Variants in TENM3 observed in about 807,000 individuals in gnomAD.
The protein encoded by TENM3 is teneurin-3.
Under a neutral mutation model 255.1 loss-of-function variants are expected in TENM3, and 63 were observed. The ratio of observed to expected loss-of-function variants is 0.25; its 90% CI spans 0.20 to 0.30. TENM3 has a LOEUF of 0.30. Among genes scored for constraint, TENM3 ranks in the 10% least tolerant of loss-of-function variants. TENM3 has a pLI of 1.00. For missense variants in TENM3, 2,929 were observed against 3,461.1 expected (o/e 0.85, Z 3.86); for synonymous variants, 1,306 against 1,322.3 (o/e 0.99, Z 0.27).
the TENM3 span, among the ~76,000 whole-genome samples, chr4:181,680,903 T>C: frequency 6.6e-6 from 1 of 152,084 alleles, no homozygotes; most frequent in African/African-American, 2.4e-5. Flanking sequence ...TGCAGGTAAA[T>C]ACTGAATCAC....
chr4:181,872,713 G>A, the TENM3 span, among the ~76,000 whole-genome samples: 4 of 151,906 alleles, frequency 2.6e-5, no homozygotes, highest in East Asian at 5.8e-4. Context: ...TCTTGCTGGG[G>A]CCCATTAATT....
At chr4:182,748,022 T>C (rs922167026) in intron 19 of TENM3, among the ~76,000 whole-genome samples, 12 of 152,214 alleles carry the variant, frequency 7.9e-5, no homozygotes, top group African/African-American at 2.9e-4. Flanking sequence ...GCTTGTTCTT[T>C]GTGAATATTT....
At chr4:182,565,372 A>T (rs904587295) in intron 3 of TENM3, among the ~76,000 whole-genome samples, 1 of 152,188 alleles carries the variant, frequency 6.6e-6, no homozygotes, top group Non-Finnish European at 1.5e-5. Flanking sequence ...AATTTTAGTC[A>T]TATCTACACC....
At chr4:181,753,008 G>A in the TENM3 span, among the ~76,000 whole-genome samples, 1 of 151,628 alleles carries the variant, frequency 6.6e-6, no homozygotes, top group South Asian at 2.1e-4. Context: ...GGAAGTATGT[G>A]ATTATGATTC....
At chr4:181,544,806 C>A in the TENM3 span, among the ~76,000 whole-genome samples, 59 of 152,244 alleles carry the variant, frequency 3.9e-4, no homozygotes, top group African/African-American at 1.4e-3. Flanking sequence ...AAAATGATTT[C>A]TAAGACACAA....
chr4:181,573,240 C>T, the TENM3 span, among the ~76,000 whole-genome samples: 1 of 152,080 alleles, frequency 6.6e-6, no homozygotes, highest in African/African-American at 2.4e-5. Context: ...GATTTCCTTT[C>T]CTCTGAGTAT....
the TENM3 span, among the ~76,000 whole-genome samples, chr4:181,877,858 T>C: frequency 2.9e-3 from 440 of 152,270 alleles, 3 homozygotes; most frequent in South Asian, 0.021. Flanking sequence ...ACATGGAGGC[T>C]GGAAAATGCA....
chr4:181,472,380 G>A, the TENM3 span, among the ~76,000 whole-genome samples: 29 of 152,162 alleles, frequency 1.9e-4, 1 homozygote, highest in South Asian at 4.1e-3. Context: ...GGACCTGGGG[G>A]CAAATTGTCA....
At chr4:182,489,169 A>G (rs375347226) in intron 3 of TENM3, among the ~76,000 whole-genome samples, 1 of 152,184 alleles carries the variant, frequency 6.6e-6, no homozygotes, top group Non-Finnish European at 1.5e-5. Context: ...TTAAGTAAAC[A>G]TATTCACTTT....
the TENM3 span, among the ~76,000 whole-genome samples, chr4:181,470,101 G>T: frequency 2.4e-5 from 1 of 42,380 alleles, no homozygotes; most frequent in Non-Finnish European, 5.2e-5. Context: ...ATGAAATATA[G>T]CTTCTGTAAA....
At chr4:181,789,805 A>G in the TENM3 span, among the ~76,000 whole-genome samples, 26 of 152,020 alleles carry the variant, frequency 1.7e-4, no homozygotes, top group African/African-American at 6.3e-4. Context: ...AAGCTTCCAG[A>G]TTGCTGAAAA....
intron 13 of TENM3, among the ~76,000 whole-genome samples, chr4:182,724,170 A>G (rs1160437882): frequency 6.6e-6 from 1 of 152,176 alleles, no homozygotes; most frequent in East Asian, 1.9e-4. Context: ...ATTTATGTAG[A>G]TTTTTATGAT....
chr4:182,262,834 C>T (rs1422447983), intron 1 of TENM3, among the ~76,000 whole-genome samples: 1 of 151,604 alleles, frequency 6.6e-6, no homozygotes, highest in Non-Finnish European at 1.5e-5. Context: ...CTGCTTCAGC[C>T]TCCCGAGCAG....
chr4:182,057,306 G>C, the TENM3 span, among the ~76,000 whole-genome samples: 2 of 150,066 alleles, frequency 1.3e-5, no homozygotes, highest in African/African-American at 5.0e-5. Flanking sequence ...GAGAGAGAGA[G>C]AGAGAAATTA....
the TENM3 span, among the ~76,000 whole-genome samples, chr4:181,464,104 T>C: frequency 6.6e-6 from 1 of 152,262 alleles, no homozygotes; most frequent in Non-Finnish European, 1.5e-5. Flanking sequence ...ATAATGCTAC[T>C]ATGAACATTT....
chr4:182,394,456 A>G (rs1351286508), intron 3 of TENM3, among the ~76,000 whole-genome samples: 1 of 152,324 alleles, frequency 6.6e-6, no homozygotes, highest in Admixed American at 6.5e-5. Context: ...TACATGCTGA[A>G]GTGATGTGGT....
At chr4:181,910,181 A>G in the TENM3 span, among the ~76,000 whole-genome samples, 1 of 152,330 alleles carries the variant, frequency 6.6e-6, no homozygotes, top group African/African-American at 2.4e-5. Flanking sequence ...ATGCATATAT[A>G]TAGTAGCCTA....
the TENM3 span, among the ~76,000 whole-genome samples, chr4:181,852,872 A>C: frequency 6.6e-6 from 1 of 152,250 alleles, no homozygotes. Context: ...TGATGGTTTC[A>C]GAACACTGTG....
chr4:181,749,756 G>T, the TENM3 span, among the ~76,000 whole-genome samples: 6 of 152,014 alleles, frequency 3.9e-5, no homozygotes, highest in Admixed American at 6.6e-5. Context: ...CATTAATTTT[G>T]TCTCTTTAAA....
Sources: gnomAD v4.1 joint callset for allele counts (sites outside exome capture counted in the v4.1 genomes callset) on GRCh38, gnomAD v4.1.1 for gene constraint, MANE v1.5 for transcripts, NCBI Gene and HGNC (gene_info 2026-07-23, HGNC 2026-07-21) for gene names.